Variants in PTPRJ observed in about 807,000 individuals in gnomAD.
The protein encoded by PTPRJ is protein tyrosine phosphatase receptor type J, also known as receptor-type tyrosine-protein phosphatase eta.
In PTPRJ, 129 loss-of-function variants were observed where a neutral mutation model predicts 141.3. The observed-to-expected ratio is 0.91, with a 90% CI of 0.79 to 1.06. PTPRJ has a LOEUF of 1.06. PTPRJ is among the 50% of genes least tolerant of loss of function. The probability of loss-of-function intolerance (pLI) is 0.00; values close to 1 mark genes in which losing one functional copy is unlikely to be tolerated. For synonymous variants in PTPRJ, 610 were observed against 640.5 expected, an observed-to-expected ratio of 0.95 and a Z score of 0.72; for missense variants, 1,601 against 1,679.7, an observed-to-expected ratio of 0.95 and a Z score of 0.82.
At chr11:48,029,988 A>AT (rs1161722996) in intron 1 of PTPRJ, among the ~76,000 whole-genome samples, 1 of 152,132 alleles carries the variant, frequency 6.6e-6, no homozygotes, top group Non-Finnish European at 1.5e-5. Flanking sequence ...ACAGGGGGAA[A>AT]TTTTTATCTT....
At chr11:48,004,336 T>G (rs1421937805) in intron 1 of PTPRJ, among the ~76,000 whole-genome samples, 2 of 152,234 alleles carry the variant, frequency 1.3e-5, no homozygotes, top group Non-Finnish European at 2.9e-5. Context: ...CACCTTAGTT[T>G]CTTTACTTGT....
At position 48,155,792 on chromosome 11, in the gene PTPRJ, A is replaced by G; in HGVS notation, c.3230-9A>G. 6.4e-7 allele frequency: 1 copy of G among 1,574,430 alleles called. No individual in the cohort carries two copies. Among genetic ancestry groups the G allele is most frequent in the Non-Finnish European group, 8.7e-7 (1 of 1,152,418 alleles). The stretch of plus-strand genomic sequence containing the variant: ...TATAATGGGGACCTTTTTTCTTTTA[A>G]TGTCACAGATGATATTTCCCGTGTC... On this transcript the variant is annotated splice_polypyrimidine_tract_variant and intron_variant, in intron 19 of 24. Coordinates refer to ENST00000418331, the MANE Select transcript of PTPRJ (RefSeq NM_002843.4).
At chr11:48,056,226 C>T (rs1487882455) in intron 1 of PTPRJ, among the ~76,000 whole-genome samples, 4 of 152,150 alleles carry the variant, frequency 2.6e-5, no homozygotes, top group East Asian at 1.9e-4. Context: ...AGAAGTTAGA[C>T]GCACACATAA....
chr11:47,991,015 C>T (rs893108214), intron 1 of PTPRJ, among the ~76,000 whole-genome samples: 29 of 151,860 alleles, frequency 1.9e-4, no homozygotes, highest in Admixed American at 1.1e-3. Flanking sequence ...CCACCGCGCC[C>T]GGCCCCATGA....
chr11:47,982,308 C>T (rs1326006754), intron 1 of PTPRJ, among the ~76,000 whole-genome samples: 2 of 152,338 alleles, frequency 1.3e-5, no homozygotes, highest in Non-Finnish European at 1.5e-5. Flanking sequence ...GCTGGACTTG[C>T]TCTTCAGGCT....
intron 11 of PTPRJ, among the ~76,000 whole-genome samples, chr11:48,141,095 T>G (rs1230985061): frequency 6.6e-6 from 1 of 151,920 alleles, no homozygotes; most frequent in East Asian, 1.9e-4. Flanking sequence ...TCCCAGCACT[T>G]TGGGAGGCTG....
intron 1 of PTPRJ, among the ~76,000 whole-genome samples, chr11:48,013,183 G>A (rs1407658663): frequency 1.3e-5 from 2 of 151,858 alleles, no homozygotes; most frequent in Non-Finnish European, 2.9e-5. Flanking sequence ...TAACAGACAG[G>A]TGATGTTAAA....
chr11:48,136,479 G>A (rs1565321721), intron 9 of PTPRJ, among the ~76,000 whole-genome samples, 183 bp downstream of exon 9: 2 of 152,344 alleles, frequency 1.3e-5, no homozygotes, highest in East Asian at 3.9e-4. Flanking sequence ...TTCAAGCTAT[G>A]TGAACTTAGA....
At chr11:48,038,639 A>T (rs2134233192) in intron 1 of PTPRJ, among the ~76,000 whole-genome samples, 1 of 151,830 alleles carries the variant, frequency 6.6e-6, no homozygotes, top group African/African-American at 2.4e-5. Context: ...CTACAGGCGC[A>T]CGCCACCATG....
intron 1 of PTPRJ, among the ~76,000 whole-genome samples, chr11:48,085,169 A>C (rs1855665367): frequency 6.6e-6 from 1 of 152,182 alleles, no homozygotes; most frequent in South Asian, 2.1e-4. Flanking sequence ...AACAGAGTGA[A>C]CGCAGAAGCA....
chr11:48,169,835 G>A lies in PTPRJ; in HGVS notation c.*2473G>A, dbSNP rs897721495. 6.6e-6 allele frequency: 1 copy of A among 152,244 alleles called. No homozygotes were observed. Among genetic ancestry groups the A allele is most frequent in the African/African-American group, 2.4e-5 (1 of 41,462 alleles). The allele number at this position is 152,244 out of a possible 1,614,324, so 9.4% of individuals were successfully genotyped here. On this transcript the variant is annotated 3_prime_UTR_variant, in exon 25 of 25. Coordinates refer to ENST00000418331, the MANE Select transcript of PTPRJ (RefSeq NM_002843.4). ...ATGGGCAAGCGGCCCCAGCAATCATGGGAGGAACTCTTGCGGGGGAGCGGT... is the reference window on the plus strand; with the variant it reads ...ATGGGCAAGCGGCCCCAGCAATCATAGGAGGAACTCTTGCGGGGGAGCGGT...
intron 1 of PTPRJ, among the ~76,000 whole-genome samples, chr11:48,007,641 G>A (rs1259412361): frequency 6.6e-6 from 1 of 152,148 alleles, no homozygotes; most frequent in Non-Finnish European, 1.5e-5. Context: ...GACCTCAAGT[G>A]ATCTGCCCGC....
intron 1 of PTPRJ, among the ~76,000 whole-genome samples, chr11:48,075,954 C>G (rs1855388034): frequency 1.3e-5 from 2 of 152,182 alleles, no homozygotes; most frequent in Non-Finnish European, 2.9e-5. Flanking sequence ...TTCTTCCTTC[C>G]CAGCTAAAGT....
intron 4 of PTPRJ, 22 bp downstream of exon 4, chr11:48,121,288 G>A: frequency 6.2e-7 from 1 of 1,610,198 alleles, no homozygotes; most frequent in African/African-American, 1.3e-5. Context: ...GGCTCCCAGG[G>A]ATGATGACAA....
In PTPRJ at chr11:48,168,532, G is replaced by GTATATA. The variant is rs1555061195; in HGVS notation, c.*1171_*1172insATATAT. The GTATATA allele has an allele frequency of 0.016, 715 of 43,886 alleles. 234 individuals are homozygous for GTATATA. Among genetic ancestry groups the GTATATA allele is most frequent in the African/African-American group, 0.023 (268 of 11,478 alleles). 2.7% of individuals were successfully genotyped at this position (43,886 alleles called of 1,614,324 possible). On this transcript the variant is annotated 3_prime_UTR_variant, in exon 25 of 25. Coordinates refer to ENST00000418331, the MANE Select transcript of PTPRJ (RefSeq NM_002843.4). ...GCCGTGACACATATCGGAATCTACT[G>GTATATA]TGTATATATATATATATATATATAT...
chr11:48,038,439 A>G (rs775985686), intron 1 of PTPRJ, among the ~76,000 whole-genome samples: 1 of 151,984 alleles, frequency 6.6e-6, no homozygotes, highest in Non-Finnish European at 1.5e-5. Context: ...GATCAGTTAC[A>G]TGATGGTTTC....
At chr11:48,066,893 C>T (rs7111553) in intron 1 of PTPRJ, among the ~76,000 whole-genome samples, 4,607 of 152,176 alleles carry the variant, frequency 0.03, 106 homozygotes, top group Non-Finnish European at 0.046. Flanking sequence ...GCCTTCCAGT[C>T]GTATTCTTGA....
intron 1 of PTPRJ, among the ~76,000 whole-genome samples, chr11:47,997,072 C>G (rs1369419403): frequency 6.6e-6 from 1 of 152,254 alleles, no homozygotes; most frequent in Non-Finnish European, 1.5e-5. Context: ...CATGGTTTCT[C>G]CATCTCAGCC....
intron 1 of PTPRJ, among the ~76,000 whole-genome samples, chr11:48,004,950 A>C (rs1402532156): frequency 6.6e-6 from 1 of 152,134 alleles, no homozygotes; most frequent in Non-Finnish European, 1.5e-5. Context: ...AGCTGGGCGC[A>C]GTGGCTCATG....
Sources: gnomAD v4.1 joint callset for allele counts (sites outside exome capture counted in the v4.1 genomes callset) on GRCh38, gnomAD v4.1.1 for gene constraint, MANE v1.5 for transcripts, NCBI Gene and HGNC (gene_info 2026-07-23, HGNC 2026-07-21) for gene names.